NTRK2: variants seen among roughly 807,000 people sequenced by gnomAD.
The protein encoded by NTRK2 is BDNF/NT-3 growth factors receptor.
A neutral mutation model predicts 94.5 loss-of-function variants in NTRK2; 13 were observed. The ratio of observed to expected loss-of-function variants is 0.14; its 90% CI spans 0.09 to 0.22. The LOEUF is 0.22. NTRK2 is among the 10% of genes least tolerant of loss of function. The pLI, the probability that NTRK2 is intolerant of heterozygous loss-of-function variation, is 1.00. For missense variants in NTRK2, 639 were observed against 1,071.2 expected (o/e 0.60, Z 5.63); for synonymous variants, 372 against 407.4 (o/e 0.91, Z 1.05).
intron 2 of NTRK2, among the ~76,000 whole-genome samples, chr9:84,683,977 G>A (rs990556045): frequency 6.6e-6 from 1 of 152,042 alleles, no homozygotes; most frequent in African/African-American, 2.4e-5. Context: ...TCATCTGTTT[G>A]TTGGCCACAT....
intron 2 of NTRK2, among the ~76,000 whole-genome samples, chr9:84,678,010 G>A (rs2131359662): frequency 6.6e-6 from 1 of 152,094 alleles, no homozygotes; most frequent in Non-Finnish European, 1.5e-5. Context: ...ATCCTTTCCT[G>A]TAATCTTCAT....
upstream of NTRK2, among the ~76,000 whole-genome samples, chr9:84,668,989 A>G (rs757718818): frequency 4.6e-5 from 7 of 152,014 alleles, no homozygotes; most frequent in Middle Eastern, 3.4e-3. Context: ...ACATGTCTCT[A>G]TTTCCCGGGC....
intron 2 of NTRK2, among the ~76,000 whole-genome samples, chr9:84,685,776 T>G (rs1344004460): frequency 6.6e-6 from 1 of 152,194 alleles, no homozygotes; most frequent in Non-Finnish European, 1.5e-5. Context: ...TTCCTCTGCC[T>G]CTACACCTGG....
intron 16 of NTRK2, among the ~76,000 whole-genome samples, chr9:84,951,327 GT>G (rs2078776044): frequency 6.6e-6 from 1 of 152,170 alleles, no homozygotes; most frequent in African/African-American, 2.4e-5. Context: ...TTTGAACATT[GT>G]CTTGTCAGCT....
intron 14 of NTRK2, among the ~76,000 whole-genome samples, chr9:84,903,538 T>G (rs1057356171): frequency 6.6e-6 from 1 of 152,178 alleles, no homozygotes; most frequent in African/African-American, 2.4e-5. Context: ...AGTCTTAATC[T>G]CAATGCATCA....
intron 12 of NTRK2, among the ~76,000 whole-genome samples, chr9:84,809,913 A>G (rs2071580432): frequency 6.6e-6 from 1 of 150,568 alleles, no homozygotes; most frequent in Non-Finnish European, 1.5e-5. Context: ...GAAAGAAGAG[A>G]GAAGAATCTA....
chr9:84,781,750 GT>G (rs940562871), intron 12 of NTRK2, among the ~76,000 whole-genome samples: 1 of 152,112 alleles, frequency 6.6e-6, no homozygotes, highest in Non-Finnish European at 1.5e-5. Context: ...AGTGTCTTTA[GT>G]TTTTTAAGTC....
At chr9:84,749,170 G>T (rs539160075) in intron 11 of NTRK2, among the ~76,000 whole-genome samples, 3 of 152,238 alleles carry the variant, frequency 2.0e-5, no homozygotes, top group South Asian at 2.1e-4. Flanking sequence ...GGAGGTTGTG[G>T]TGAGCCAAGA....
At chr9:84,810,723 T>G in intron 12 of NTRK2, 1 of 1,551,632 alleles carries the variant, frequency 6.4e-7, no homozygotes, top group Non-Finnish European at 8.7e-7. Context: ...GGGCGGTGTT[T>G]GGAGGCTGTA....
intron 17 of NTRK2, among the ~76,000 whole-genome samples, chr9:84,980,880 G>A (rs1222729798): frequency 6.6e-6 from 1 of 152,228 alleles, no homozygotes; most frequent in Non-Finnish European, 1.5e-5. Flanking sequence ...CAGGGTAGGT[G>A]CAGACTTCAA....
chr9:85,010,195 A>G (rs970440433), intron 17 of NTRK2, among the ~76,000 whole-genome samples: 1 of 152,164 alleles, frequency 6.6e-6, no homozygotes, highest in East Asian at 1.9e-4. Context: ...TCTAAAAGCT[A>G]CCTGGAATAT....
chr9:84,690,235 A>G (rs983186637), intron 2 of NTRK2, among the ~76,000 whole-genome samples: 7 of 152,200 alleles, frequency 4.6e-5, no homozygotes, highest in African/African-American at 1.7e-4. Context: ...CTAAAATTTT[A>G]CCACTGGAAT....
chr9:84,937,697 G>C (rs991457337), intron 15 of NTRK2, among the ~76,000 whole-genome samples: 3 of 152,102 alleles, frequency 2.0e-5, no homozygotes, highest in Non-Finnish European at 2.9e-5. Flanking sequence ...AACCCATAGA[G>C]AGGAGGAGAA....
At chr9:85,018,527 G>A (rs747810050) in intron 17 of NTRK2, among the ~76,000 whole-genome samples, 5 of 152,250 alleles carry the variant, frequency 3.3e-5, no homozygotes, top group African/African-American at 4.8e-5. Context: ...CCCTCATACC[G>A]CAAGTCCTCC....
chr9:84,670,698 C>T lies in NTRK2; in HGVS notation c.-51C>T, dbSNP rs771465071. The T allele has an allele frequency of 6.3e-6, 10 of 1,583,000 alleles. No homozygotes were observed. The South Asian group carries it at 9.9e-5, about 16-fold the overall frequency. On this transcript the variant is annotated 5_prime_UTR_variant, in exon 2 of 19. Transcript: ENST00000277120. ...GCCTCCCCGCACGGGTGGGGGAAAG[C>T]GGCCGGTGCAGCGCGGGGACAGGCA...
intron 12 of NTRK2, among the ~76,000 whole-genome samples, chr9:84,774,542 C>T (rs1374121323): frequency 6.6e-6 from 1 of 152,198 alleles, no homozygotes; most frequent in African/African-American, 2.4e-5. Flanking sequence ...GATTTCAACA[C>T]ACAGCTCATT....
intron 13 of NTRK2, among the ~76,000 whole-genome samples, chr9:84,864,549 G>A (rs746909292): frequency 6.6e-6 from 1 of 152,146 alleles, no homozygotes; most frequent in East Asian, 1.9e-4. Flanking sequence ...TGGGGGTAAA[G>A]GTGGTGCCTG....
chr9:84,880,115 T>C (rs1168383101), intron 14 of NTRK2, among the ~76,000 whole-genome samples: 1 of 152,308 alleles, frequency 6.6e-6, no homozygotes, highest in Non-Finnish European at 1.5e-5. Context: ...GTTCAGAAAA[T>C]CCTAGAAAAA....
intron 17 of NTRK2, among the ~76,000 whole-genome samples, chr9:84,972,000 G>A (rs2133145864): frequency 6.6e-6 from 1 of 152,292 alleles, no homozygotes; most frequent in East Asian, 1.9e-4. Context: ...TCAGCTGGGT[G>A]CATTAAATTA....
Sources: gnomAD v4.1 joint callset for allele counts (sites outside exome capture counted in the v4.1 genomes callset) on GRCh38, gnomAD v4.1.1 for gene constraint, MANE v1.5 for transcripts, NCBI Gene and HGNC (gene_info 2026-07-23, HGNC 2026-07-21) for gene names.